Variants in DNAJC15 observed in about 807,000 individuals in gnomAD.
The protein encoded by DNAJC15 is dnaJ homolog subfamily C member 15.
DNAJC15 carries 27 observed loss-of-function variants against 22.4 expected under a neutral mutation model. That is an observed-to-expected ratio of 1.20 (90% confidence interval 0.89 to 1.66). DNAJC15 has a LOEUF of 1.66. DNAJC15 is among the 40% of genes most tolerant of loss of function. The probability of loss-of-function intolerance (pLI) is 0.00; values close to 1 mark genes in which losing one functional copy is unlikely to be tolerated. For synonymous variants in DNAJC15, 79 were observed against 63.2 expected (o/e 1.25, Z -1.19); for missense variants, 208 against 187.1 (o/e 1.11, Z -0.65).
intron 3 of DNAJC15, 77 bp downstream of exon 3, chr13:43,069,080 A>G: frequency 2.2e-6 from 3 of 1,372,634 alleles, no homozygotes; most frequent in Non-Finnish European, 3.0e-6. Flanking sequence ...AACTTAGAAA[A>G]TGTCTTGGAT....
At chr13:43,036,414 A>G (rs534648070) in intron 1 of DNAJC15, among the ~76,000 whole-genome samples, 20 of 152,288 alleles carry the variant, frequency 1.3e-4, no homozygotes, top group South Asian at 1.0e-3. Flanking sequence ...CTAAGTCTGC[A>G]GGTTTTTATG....
intron 2 of DNAJC15, 128 bp downstream of exon 2, chr13:43,065,865 T>A: frequency 1.3e-6 from 1 of 755,966 alleles, no homozygotes; most frequent in Non-Finnish European, 2.2e-6. Context: ...TCTCATTCTT[T>A]CCACCATTTG....
At chr13:43,073,330 A>G (rs911694457) in intron 3 of DNAJC15, among the ~76,000 whole-genome samples, 3 of 152,204 alleles carry the variant, frequency 2.0e-5, no homozygotes, top group Admixed American at 6.5e-5. Context: ...AGCACCGTGT[A>G]TATTTTACTC....
At chr13:43,090,266 A>G (rs867180288) in intron 5 of DNAJC15, among the ~76,000 whole-genome samples, 20 of 152,234 alleles carry the variant, frequency 1.3e-4, no homozygotes, top group Admixed American at 1.0e-3. Flanking sequence ...TGGGCATGGT[A>G]TGATGAAACA....
chr13:43,046,653 G>C (rs763714069), intron 1 of DNAJC15, among the ~76,000 whole-genome samples: 44 of 152,312 alleles, frequency 2.9e-4, no homozygotes, highest in Non-Finnish European at 5.7e-4. Flanking sequence ...TTGGAGCAGA[G>C]AGTGGGCAAC....
chr13:43,109,247 C>G lies in DNAJC15; in HGVS notation c.*1999C>G, dbSNP rs575947807. The G allele has an allele frequency of 6.6e-6, 1 of 152,300 alleles. No individual in the cohort carries two copies. The highest frequency in any genetic ancestry group is 1.9e-4 in the East Asian group (1 of 5,192). 9.4% of individuals were successfully genotyped at this position (152,300 alleles called of 1,614,324 possible). The stretch of plus-strand genomic sequence containing the variant: ...TAGCTTGGTACCTTGTGAAGCAACT[C>G]TTGGTGTAACATACCTTATTTCTCA... On this transcript the variant is annotated 3_prime_UTR_variant, in exon 6 of 6. Coordinates refer to ENST00000379221, the MANE Select transcript of DNAJC15 (RefSeq NM_013238.3).
At chr13:43,029,646 T>A (rs1430935376) in intron 1 of DNAJC15, among the ~76,000 whole-genome samples, 4 of 152,150 alleles carry the variant, frequency 2.6e-5, no homozygotes, top group Non-Finnish European at 5.9e-5. Context: ...TCTGTTTTTT[T>A]AATTGTTGCT....
At chr13:43,060,567 A>T (rs1055924550) in intron 1 of DNAJC15, among the ~76,000 whole-genome samples, 1 of 152,152 alleles carries the variant, frequency 6.6e-6, no homozygotes, top group African/African-American at 2.4e-5. Flanking sequence ...AGATTGATTT[A>T]GGTAAAAACA....
Position 43,113,112 on chromosome 13 carries a change from A to G in DNAJC15, c.*5864A>G, listed in dbSNP as rs1390975262. 2 of 152,218 alleles carry G rather than the reference A, an allele frequency of 1.3e-5. No homozygotes were observed. The highest frequency in any genetic ancestry group is 2.9e-5 in the Non-Finnish European group (2 of 68,030). The allele number at this position is 152,218 out of a possible 1,614,324, so 9.4% of individuals were successfully genotyped here. A position where few individuals can be genotyped will look rare whatever the true frequency, so the allele number is the denominator to read the frequency against. ...TTTATCTGAAATGTTCATGGACAAG[A>G]GCTTTCAAGGAGAACATCCAGAGCA... is the stretch of plus-strand genomic sequence containing the variant. On this transcript the variant is annotated 3_prime_UTR_variant, in exon 6 of 6. Coordinates refer to ENST00000379221, the MANE Select transcript of DNAJC15 (RefSeq NM_013238.3).
chr13:43,065,584 A>C, intron 1 of DNAJC15, 102 bp from the exon 2 acceptor site: 1 of 949,334 alleles, frequency 1.1e-6, no homozygotes, highest in Non-Finnish European at 1.7e-6. Context: ...GAGCTTAAAG[A>C]AAGTGTAGTA....
intron 4 of DNAJC15, among the ~76,000 whole-genome samples, chr13:43,083,178 T>C (rs2040671505): frequency 6.6e-6 from 1 of 151,902 alleles, no homozygotes; most frequent in South Asian, 2.1e-4. Context: ...TTTTTTTTGT[T>C]TTTTTTTGAG....
At chr13:43,076,687 A>G (rs2040635537) in intron 3 of DNAJC15, among the ~76,000 whole-genome samples, 1 of 152,164 alleles carries the variant, frequency 6.6e-6, no homozygotes, top group Non-Finnish European at 1.5e-5. Flanking sequence ...AGCTAAGTTT[A>G]TACATCCTGT....
chr13:43,066,828 C>A (rs1438499345), intron 2 of DNAJC15, among the ~76,000 whole-genome samples: 1 of 152,048 alleles, frequency 6.6e-6, no homozygotes, highest in Non-Finnish European at 1.5e-5. Flanking sequence ...CAAAATTTAG[C>A]CAGGATGGTT....
At chr13:43,072,059 G>A (rs376768815) in intron 3 of DNAJC15, among the ~76,000 whole-genome samples, 2 of 152,250 alleles carry the variant, frequency 1.3e-5, no homozygotes, top group African/African-American at 2.4e-5. Context: ...CTGAACTCCC[G>A]CATTCCTGCA....
Position 43,107,299 on chromosome 13 carries a change from A to G in DNAJC15, c.*51A>G. 6.8e-7 allele frequency: 1 copy of G among 1,462,570 alleles called. No homozygotes were observed. The highest frequency in any genetic ancestry group is 9.1e-7 in the Non-Finnish European group (1 of 1,100,566). The allele number at this position is 1,462,570 out of a possible 1,614,324, so 90.6% of individuals were successfully genotyped here. A position where few individuals can be genotyped will look rare whatever the true frequency, so the allele number is the denominator to read the frequency against. Reference sequence around the variant, plus strand: ...AAAAAAGAGGGGACTTCGAAAAAAAAAAAAGCCCTGCAAAATATTCTAAAA... The same window carrying G: ...AAAAAAGAGGGGACTTCGAAAAAAAGAAAAGCCCTGCAAAATATTCTAAAA... On this transcript the variant is annotated 3_prime_UTR_variant, in exon 6 of 6. Transcript: ENST00000379221.
intron 3 of DNAJC15, among the ~76,000 whole-genome samples, chr13:43,070,116 T>C (rs1412102072): frequency 6.6e-6 from 1 of 152,122 alleles, no homozygotes; most frequent in Non-Finnish European, 1.5e-5. Context: ...AAAAAATGAA[T>C]TGCTTCTTTT....
intron 5 of DNAJC15, among the ~76,000 whole-genome samples, chr13:43,086,770 C>G (rs1004662349): frequency 4.6e-5 from 7 of 152,182 alleles, no homozygotes; most frequent in Non-Finnish European, 8.8e-5. Flanking sequence ...AAGATTCACT[C>G]AGCTAATTTA....
intron 1 of DNAJC15, among the ~76,000 whole-genome samples, chr13:43,047,487 T>C (rs1329728694): frequency 1.3e-5 from 2 of 151,964 alleles, no homozygotes; most frequent in Non-Finnish European, 2.9e-5. Context: ...GTAAATAATA[T>C]GAGAATGAAA....
intron 5 of DNAJC15, among the ~76,000 whole-genome samples, chr13:43,091,816 C>G (rs2040716689): frequency 6.6e-6 from 1 of 151,992 alleles, no homozygotes; most frequent in Non-Finnish European, 1.5e-5. Context: ...CATGCATTCC[C>G]TCATTTTTTA....
Sources: gnomAD v4.1 joint callset for allele counts (sites outside exome capture counted in the v4.1 genomes callset) on GRCh38, gnomAD v4.1.1 for gene constraint, MANE v1.5 for transcripts, NCBI Gene and HGNC (gene_info 2026-07-23, HGNC 2026-07-21) for gene names.